PTPN2: variants seen among roughly 807,000 people sequenced by gnomAD.
PTPN2 encodes the protein tyrosine-protein phosphatase non-receptor type 2.
Under a neutral mutation model 57.3 loss-of-function variants are expected in PTPN2, and 19 were observed. The observed-to-expected ratio is 0.33, with a 90% CI of 0.23 to 0.49. The LOEUF (loss-of-function observed/expected upper bound fraction) is 0.49, where lower values mean the gene tolerates loss of function less well. Among genes scored for constraint, PTPN2 ranks in the 20% least tolerant of loss-of-function variants. The pLI is 0.99. For synonymous variants in PTPN2, 153 were observed against 164.9 expected, an observed-to-expected ratio of 0.93 and a Z score of 0.55; for missense variants, 358 against 501.1, an observed-to-expected ratio of 0.71 and a Z score of 2.73.
intron 2 of PTPN2, among the ~76,000 whole-genome samples, chr18:12,855,658 G>C (rs767149115): frequency 5.3e-5 from 8 of 152,186 alleles, no homozygotes; most frequent in Non-Finnish European, 7.3e-5. Flanking sequence ...CACGGTGGCA[G>C]TGGGGCAGAC....
intron 7 of PTPN2, among the ~76,000 whole-genome samples, chr18:12,813,971 T>C (rs965009694): frequency 1.3e-5 from 2 of 152,232 alleles, no homozygotes; most frequent in Non-Finnish European, 2.9e-5. Flanking sequence ...GTTTCTTTAA[T>C]GAAATCTTGT....
chr18:12,880,517 ATC>A (rs1183321556), intron 1 of PTPN2: 1 of 152,250 alleles, frequency 6.6e-6, no homozygotes, highest in African/African-American at 2.4e-5. Flanking sequence ...AACTCCAGGT[ATC>A]TGTCTTGTGT....
At chr18:12,788,143 A>G (rs777971927), downstream of PTPN2, 8 of 154,832 alleles carry the variant, frequency 5.2e-5, no homozygotes, top group African/African-American at 9.6e-5. Context: ...ATCAAGAGCA[A>G]CCTGTGTCTG....
At chr18:12,839,356 A>C (rs2042970725) in intron 2 of PTPN2, 1 of 152,210 alleles carries the variant, frequency 6.6e-6, no homozygotes, top group African/African-American at 2.4e-5. Context: ...ATTAAAAAAC[A>C]AACTTTTGAC....
rs73406780 is a variant in PTPN2, at chr18:12,876,219, G to A, written c.69+7854C>T. On this transcript the variant is annotated intron_variant, in intron 1 of 8. Coordinates refer to ENST00000309660, the MANE Select transcript of PTPN2 (RefSeq NM_002828.4). ...CTCATGCCTGTAATCTCGCCACTTC[G>A]GGAAGCCAAGGTGAGCAGACCACTT... Among the ~76,000 whole-genome samples the A allele has an allele frequency of 8.3e-3, 1,263 of 151,374 alleles. 22 individuals are homozygous for A. Among genetic ancestry groups the A allele is most frequent in the African/African-American group, 0.03 (1,222 of 41,112 alleles).
intron 5 of PTPN2, 104 bp downstream of exon 5, chr18:12,825,706 A>G (rs4239309): frequency 3.7e-6 from 4 of 1,071,124 alleles, no homozygotes; most frequent in Non-Finnish European, 2.7e-6. Context: ...ATACTATAGG[A>G]ATTATCCAAA....
At chr18:12,835,382 C>CTTTCTTTTTTTTTTTTTTTTTTTTT (rs2042821259) in intron 3 of PTPN2, among the ~76,000 whole-genome samples, 1 of 99,028 alleles carries the variant, frequency 1.0e-5, no homozygotes, top group African/African-American at 4.2e-5. Flanking sequence ...TCACATATGT[C>CTTTCTTTTTTTTTTTTTTTTTTTTT]TTTTTTTTTT....
chr18:12,854,549 G>T (rs2043518067), intron 2 of PTPN2, among the ~76,000 whole-genome samples: 3 of 152,160 alleles, frequency 2.0e-5, no homozygotes, highest in Non-Finnish European at 4.4e-5. Flanking sequence ...GGCCAGTGAA[G>T]TGTGTCAGGG....
chr18:12,802,815 G>C (rs1014538811), intron 7 of PTPN2, among the ~76,000 whole-genome samples: 1 of 152,184 alleles, frequency 6.6e-6, no homozygotes, highest in East Asian at 1.9e-4. Flanking sequence ...AGCAAAAGCT[G>C]CAAGAATTTA....
Position 12,848,128 on chromosome 18 carries a change from C to T in PTPN2, c.160+11036G>A, listed in dbSNP as rs543878405. ...AATTTAACTTAAATCTATACTTATT[C>T]GGATTATTATTATAGAACTAAGTTT... On this transcript the variant is annotated intron_variant, in intron 2 of 8. Coordinates refer to ENST00000309660, the MANE Select transcript of PTPN2 (RefSeq NM_002828.4). Among the ~76,000 whole-genome samples the T allele has an allele frequency of 8.2e-4, 125 of 152,120 alleles. 1 individual carries two copies. The highest frequency in any genetic ancestry group is 1.5e-3 in the Non-Finnish European group (102 of 67,980).
At chr18:12,815,818 T>G (rs2042056224) in intron 6 of PTPN2, among the ~76,000 whole-genome samples, 1 of 152,168 alleles carries the variant, frequency 6.6e-6, no homozygotes, top group Non-Finnish European at 1.5e-5. Context: ...AGAGTATCAC[T>G]CCATTGATCA....
At chr18:12,823,547 C>CT (rs1384471593) in intron 5 of PTPN2, among the ~76,000 whole-genome samples, 1 of 152,052 alleles carries the variant, frequency 6.6e-6, no homozygotes, top group Admixed American at 6.6e-5. Context: ...TGGTGGTGCA[C>CT]ACCTGTATTC....
At chr18:12,840,654 C>A in intron 2 of PTPN2, 2 of 1,567,456 alleles carry the variant, frequency 1.3e-6, no homozygotes, top group Non-Finnish European at 1.7e-6. Context: ...CAAGTCATCA[C>A]AAGTGTAACA....
chr18:12,839,027 A>G (rs1316989935), intron 2 of PTPN2, among the ~76,000 whole-genome samples: 2 of 151,992 alleles, frequency 1.3e-5, no homozygotes, highest in Non-Finnish European at 2.9e-5. Flanking sequence ...AAAAGTATAT[A>G]TAACTTTTTG....
intron 1 of PTPN2, among the ~76,000 whole-genome samples, chr18:12,873,571 G>A (rs1044331976): frequency 6.6e-6 from 1 of 152,238 alleles, no homozygotes; most frequent in African/African-American, 2.4e-5. Flanking sequence ...ATTGCAGACG[G>A]TGTCTGGTTC....
At chr18:12,816,530 G>C (rs1412135568) in intron 6 of PTPN2, among the ~76,000 whole-genome samples, 1 of 152,096 alleles carries the variant, frequency 6.6e-6, no homozygotes, top group Non-Finnish European at 1.5e-5. Flanking sequence ...GCAAACAGAA[G>C]TTTCATGTAT....
rs754961921 is a variant in PTPN2 at position 12,793,309 on chromosome 18, C to T, written c.*969G>A. 11 of 974,720 alleles carry T rather than the reference C, an allele frequency of 1.1e-5. No individual in the cohort carries two copies. Among genetic ancestry groups the T allele is most frequent in the Non-Finnish European group, 1.3e-5 (11 of 819,784 alleles). 60.4% of individuals were successfully genotyped at this position (974,720 alleles called of 1,614,324 possible). The stretch of plus-strand genomic sequence containing the variant: ...GAAAGAAACTGAAAAGTGTTTACTT[C>T]AAAACTTCAGTCTAGTAAACTGAAA... On this transcript the variant is annotated 3_prime_UTR_variant, in exon 9 of 9. Coordinates refer to ENST00000309660, the MANE Select transcript of PTPN2 (RefSeq NM_002828.4).
intron 5 of PTPN2, among the ~76,000 whole-genome samples, chr18:12,824,235 T>C (rs1342115029): frequency 1.3e-5 from 2 of 152,190 alleles, no homozygotes; most frequent in African/African-American, 2.4e-5. Context: ...AGCATTATCA[T>C]TCGTAATTTT....
rs574352890 is a variant in PTPN2, at chr18:12,794,074, C to T, written c.*204G>A. ...ACATGAATGTCTTTATTTTAGACAG[C>T]CATTTACAGTTTGGGGTTCAGAGGA... On this transcript the variant is annotated 3_prime_UTR_variant, in exon 9 of 9. Coordinates refer to ENST00000309660, the MANE Select transcript of PTPN2 (RefSeq NM_002828.4). 2.5e-5 allele frequency: 36 copies of T among 1,422,102 alleles called. No individual in the cohort carries two copies. In the African/African-American group the frequency reaches 5.0e-4, roughly 20 times the overall value. The allele number at this position is 1,422,102 out of a possible 1,614,324, so 88.1% of individuals were successfully genotyped here. A position where few individuals can be genotyped will look rare whatever the true frequency, so the allele number is the denominator to read the frequency against.
Sources: allele counts gnomAD v4.1 joint callset (sites outside exome capture counted in the v4.1 genomes callset), GRCh38; gene constraint gnomAD v4.1.1; transcripts MANE v1.5; gene names NCBI Gene and HGNC (gene_info 2026-07-23, HGNC 2026-07-21).